PDIA5: variants seen among roughly 807,000 people sequenced by gnomAD.
The protein encoded by PDIA5 is protein disulfide isomerase family A member 5, also known as protein disulfide-isomerase A5.
PDIA5 carries 58 observed loss-of-function variants against 77.6 expected under a neutral mutation model. That is an observed-to-expected ratio of 0.75 (90% CI 0.61 to 0.93). PDIA5 has a LOEUF of 0.93. Ranked by LOEUF, PDIA5 falls within the 40% of genes least tolerant of loss-of-function variation. The probability of loss-of-function intolerance (pLI) is 0.00; values close to 1 mark genes in which losing one functional copy is unlikely to be tolerated. For synonymous variants in PDIA5, 250 were observed against 252.1 expected (o/e 0.99, Z 0.08); for missense variants, 630 against 647.7 (o/e 0.97, Z 0.30).
chr3:123,161,375 C>T lies in PDIA5; in HGVS notation c.1399C>T (p.Gln467Ter). 6.2e-7 allele frequency: 1 copy of T among 1,614,160 alleles called. No homozygotes were observed. The highest frequency in any genetic ancestry group is 8.5e-7 in the Non-Finnish European group (1 of 1,179,984). Residue 467 changes from glutamine (Q) to a stop codon, truncating the protein, a stop_gained, in exon 16 of 17, where the codon CAG (glutamine) becomes TAG (stop). Transcript: ENST00000316218. LOFTEE classifies it high-confidence loss of function. ...AGACAAGAACCAAGACCTGTGCCAG[C>T]AGGAGGCGGTCAAGGGCTACCCCAC... ...VKDKNQDLCQ[Q>*]EAVKGYPTFH...
intron 13 of PDIA5, among the ~76,000 whole-genome samples, chr3:123,148,360 G>C (rs1935815069): frequency 6.6e-6 from 1 of 152,072 alleles, no homozygotes; most frequent in South Asian, 2.1e-4. Flanking sequence ...TTGAGTTCAG[G>C]AGTTCAAGAC....
chr3:123,077,190 T>G (rs1216626382), intron 1 of PDIA5, among the ~76,000 whole-genome samples: 1 of 152,220 alleles, frequency 6.6e-6, no homozygotes, highest in Non-Finnish European at 1.5e-5. Context: ...GCTCTCTTAC[T>G]TGCTGTGTGA....
At chr3:123,115,694 A>G (rs1934978927) in intron 7 of PDIA5, among the ~76,000 whole-genome samples, 1 of 152,254 alleles carries the variant, frequency 6.6e-6, no homozygotes, top group Non-Finnish European at 1.5e-5. Flanking sequence ...ACTGTTCACC[A>G]TCAGCCTGCC....
At chr3:123,119,189 A>T (rs1273015101) in intron 8 of PDIA5, among the ~76,000 whole-genome samples, 1 of 152,158 alleles carries the variant, frequency 6.6e-6, no homozygotes, top group Non-Finnish European at 1.5e-5. Flanking sequence ...CCAGGAGTTT[A>T]AGGCTGCAGG....
At chr3:123,132,818 G>A (rs964249831) in intron 11 of PDIA5, among the ~76,000 whole-genome samples, 4 of 152,182 alleles carry the variant, frequency 2.6e-5, no homozygotes, top group Non-Finnish European at 4.4e-5. Context: ...TCCTCCTTGG[G>A]AACCTCCAGG....
chr3:123,075,316 T>C (rs1933825865), intron 1 of PDIA5, among the ~76,000 whole-genome samples: 1 of 151,790 alleles, frequency 6.6e-6, no homozygotes, highest in African/African-American at 2.4e-5. Flanking sequence ...TTCAGGAGAG[T>C]GGGTGAAGTT....
At chr3:123,112,504 C>T (rs1934887088) in intron 7 of PDIA5, among the ~76,000 whole-genome samples, 1 of 150,246 alleles carries the variant, frequency 6.7e-6, no homozygotes, top group Admixed American at 6.7e-5. Flanking sequence ...AGCTTATTCG[C>T]CATGACAGCA....
At chr3:123,077,368 T>G (rs1933882241) in intron 1 of PDIA5, among the ~76,000 whole-genome samples, 2 of 152,220 alleles carry the variant, frequency 1.3e-5, no homozygotes, top group South Asian at 4.1e-4. Flanking sequence ...TTGGCTGTTA[T>G]TGTTATCATG....
chr3:123,071,224 AG>A (rs200590635), intron 1 of PDIA5, among the ~76,000 whole-genome samples: 1,768 of 152,254 alleles, frequency 0.012, 17 homozygotes, highest in Non-Finnish European at 0.014. Context: ...AGCGAGGCTT[AG>A]GGAGGGAAGG....
chr3:123,083,180 G>A (rs978872531), intron 1 of PDIA5, among the ~76,000 whole-genome samples: 2 of 127,580 alleles, frequency 1.6e-5, no homozygotes, highest in African/African-American at 5.9e-5. Flanking sequence ...CAGGGGAGGG[G>A]TTGGGTGGTG....
chr3:123,111,394 C>T (rs1010777240), intron 7 of PDIA5, among the ~76,000 whole-genome samples: 6 of 152,244 alleles, frequency 3.9e-5, no homozygotes, highest in Admixed American at 6.5e-5. Context: ...TGGCCCGCCT[C>T]TGGGGGCAAC....
At chr3:123,142,769 A>T (rs1935672817) in intron 11 of PDIA5, among the ~76,000 whole-genome samples, 1 of 152,176 alleles carries the variant, frequency 6.6e-6, no homozygotes. Flanking sequence ...TTTTGGGGCT[A>T]TGTGCCTTGC....
intron 6 of PDIA5, among the ~76,000 whole-genome samples, chr3:123,108,329 G>A (rs1934784730): frequency 6.8e-6 from 1 of 148,022 alleles, no homozygotes; most frequent in Admixed American, 6.9e-5. Context: ...CACCCAGGCT[G>A]GAGTGCAGTA....
At chr3:123,150,862 G>A (rs1316551383) in intron 14 of PDIA5, among the ~76,000 whole-genome samples, 1 of 152,210 alleles carries the variant, frequency 6.6e-6, no homozygotes, top group Non-Finnish European at 1.5e-5. Flanking sequence ...AGCTGAGGAA[G>A]TGACACGTCT....
chr3:123,097,183 A>G (rs1349069226), intron 3 of PDIA5, among the ~76,000 whole-genome samples: 1 of 152,328 alleles, frequency 6.6e-6, no homozygotes, highest in African/African-American at 2.4e-5. Flanking sequence ...ATTTGCTCCT[A>G]AGCATGTTCA....
In PDIA5 at chr3:123,150,273, G is replaced by A. The variant is rs745532231; in HGVS notation, c.1182G>A (p.Glu394=). 8 of 1,613,532 alleles carry A rather than the reference G, an allele frequency of 5.0e-6. No individual in the cohort carries two copies. Among genetic ancestry groups the A allele is most frequent in the South Asian group, 3.3e-5 (3 of 91,046 alleles). Residue 394 remains glutamate (E), a synonymous_variant, in exon 14 of 17, where the codon GAG becomes GAA. Coordinates refer to ENST00000316218, the MANE Select transcript of PDIA5 (RefSeq NM_006810.4). ...APPPPEPTWE[E]QQTSVLHLVG... ...CGCCCCCAGAGCCCACGTGGGAAGA[G>A]CAGCAGACAAGCGTGTTGCACCTGG...
intron 14 of PDIA5, among the ~76,000 whole-genome samples, chr3:123,151,886 T>TGCCC (rs1935913025): frequency 2.0e-5 from 3 of 148,520 alleles, no homozygotes; most frequent in Non-Finnish European, 4.5e-5. Flanking sequence ...CCTTCCTGCC[T>TGCCC]GCCTTCCTTC....
In PDIA5 at chr3:123,092,359, G is replaced by T. The variant is rs374026325; in HGVS notation, c.174G>T (p.Val58=). 6.2e-7 allele frequency: 1 copy of T among 1,611,846 alleles called. No individual in the cohort carries two copies. The highest frequency in any genetic ancestry group is 8.5e-7 in the Non-Finnish European group (1 of 1,178,268). Residue 58 remains valine, a synonymous_variant, in exon 3 of 17, where the codon GTG becomes GTT. Transcript: ENST00000316218. ...NVLVLYSKSE[V]AAENHLRLLS... ...TTTTTTGTTTTTTTTTTACAGAGGTGGCAGCTGAAAATCATCTCAGGTTAC... is the reference window on the plus strand; with the variant it reads ...TTTTTTGTTTTTTTTTTACAGAGGTTGCAGCTGAAAATCATCTCAGGTTAC...
Position 123,130,482 on chromosome 3 carries a change from C to T in PDIA5, c.776C>T (p.Pro259Leu), listed in dbSNP as rs773435588. The T allele has an allele frequency of 1.2e-5, 20 of 1,613,014 alleles. No individual in the cohort carries two copies. The highest frequency in any genetic ancestry group is 3.3e-5 in the Admixed American group (2 of 59,884). The change falls in exon 11 of 17, where the codon CCG becomes CTG. Residue 259 changes from proline (P) to leucine (L), a missense_variant and splice_region_variant. Physicochemically the swap from Pro to Leu is moderately conservative, Grantham distance 98. Transcript: ENST00000316218. ...AEDIVEWLKN[P>L]QPPQPQVPET... is the part of the protein sequence containing the mutation. The stretch of plus-strand genomic sequence containing the variant: ...TCTGCCTGTTTTTGGTCTTCCAGTC[C>T]GCAGCCGCCACAGCCCCAGGTCCCT...
Sources: allele counts gnomAD v4.1 joint callset (sites outside exome capture counted in the v4.1 genomes callset), GRCh38; gene constraint gnomAD v4.1.1; transcripts MANE v1.5; gene names NCBI Gene and HGNC (gene_info 2026-07-23, HGNC 2026-07-21).